Variants in RCAN2 observed in about 807,000 individuals in gnomAD.
RCAN2 encodes regulator of calcineurin 2.
In RCAN2, 9 loss-of-function variants were observed where a neutral mutation model predicts 23.6. The observed-to-expected ratio is 0.38, with a 90% CI of 0.23 to 0.67. The LOEUF (loss-of-function observed/expected upper bound fraction) is 0.67. RCAN2 is among the 30% of genes least tolerant of loss of function. The probability of loss-of-function intolerance (pLI) is 0.51; values close to 1 mark genes in which losing one functional copy is unlikely to be tolerated. For synonymous variants in RCAN2, 109 were observed against 115.7 expected (o/e 0.94, Z 0.37); for missense variants, 273 against 302.3 (o/e 0.90, Z 0.72).
At chr6:46,385,733 T>G (rs1014697255) in intron 2 of RCAN2, among the ~76,000 whole-genome samples, 1 of 151,796 alleles carries the variant, frequency 6.6e-6, no homozygotes, top group Non-Finnish European at 1.5e-5. Context: ...GGCGCATGCC[T>G]ATAATCCCAG....
At chr6:46,332,513 T>G (rs1314232521) in intron 2 of RCAN2, among the ~76,000 whole-genome samples, 2 of 136,160 alleles carry the variant, frequency 1.5e-5, no homozygotes, top group East Asian at 2.2e-4. Context: ...CCTGTGTCCA[T>G]GTGTTCTCAT....
intron 2 of RCAN2, among the ~76,000 whole-genome samples, chr6:46,372,143 T>G (rs900813819): frequency 1.3e-5 from 2 of 152,190 alleles, no homozygotes; most frequent in Admixed American, 6.5e-5. Flanking sequence ...CCAGATGGCA[T>G]GCTCATGGTG....
chr6:46,296,849 ATCTCT>A (rs1326484743), intron 2 of RCAN2, among the ~76,000 whole-genome samples: 14 of 152,048 alleles, frequency 9.2e-5, no homozygotes, highest in Non-Finnish European at 1.2e-4. Flanking sequence ...AAATCTGTAA[ATCTCT>A]TCTGCTACCA....
chr6:46,383,068 C>T (rs1765651816), intron 2 of RCAN2, among the ~76,000 whole-genome samples: 1 of 151,950 alleles, frequency 6.6e-6, no homozygotes, highest in African/African-American at 2.4e-5. Context: ...GAATTTCTAT[C>T]AGGAACTTGA....
At chr6:46,334,963 CG>C (rs1055773479) in intron 2 of RCAN2, among the ~76,000 whole-genome samples, 201 of 120,956 alleles carry the variant, frequency 1.7e-3, no homozygotes, top group Non-Finnish European at 2.8e-3. Flanking sequence ...CTGACACACT[CG>C]AAAAAATTAC....
At chr6:46,463,188 GAAAGT>G (rs1768274956) in intron 1 of RCAN2, among the ~76,000 whole-genome samples, 1 of 152,272 alleles carries the variant, frequency 6.6e-6, no homozygotes, top group African/African-American at 2.4e-5. Flanking sequence ...TCTTTCAAAG[GAAAGT>G]ATTCAGTCAA....
intron 1 of RCAN2, among the ~76,000 whole-genome samples, chr6:46,464,802 C>A (rs1768325136): frequency 6.6e-6 from 1 of 152,070 alleles, no homozygotes; most frequent in African/African-American, 2.4e-5. Context: ...ATTTATGGCT[C>A]TCTTCAGGAC....
At position 46,425,342 on chromosome 6, in the gene RCAN2, T is replaced by C. The variant is rs555297275; in HGVS notation, c.225+31410A>G. 5.5e-4 allele frequency among the ~76,000 whole-genome samples: 84 copies of C among 152,318 alleles called. No individual in the cohort carries two copies. In the South Asian group the frequency reaches 0.017, roughly 30 times the overall value. The stretch of plus-strand genomic sequence containing the variant: ...TGACATCACCACACATCATGCAGCC[T>C]CTAGAAAACTCCACTGTGCACCTAT... On this transcript the variant is annotated intron_variant, in intron 2 of 4. Transcript: ENST00000371374.
At chr6:46,353,036 G>C (rs527998151) in intron 2 of RCAN2, among the ~76,000 whole-genome samples, 6 of 152,300 alleles carry the variant, frequency 3.9e-5, no homozygotes, top group Admixed American at 3.3e-4. Context: ...GCTTTTATTG[G>C]GTTAGTTAGC....
chr6:46,281,361 C>T (rs1767905477), intron 2 of RCAN2, among the ~76,000 whole-genome samples: 1 of 152,194 alleles, frequency 6.6e-6, no homozygotes, highest in South Asian at 2.1e-4. Context: ...TCATCAGAAC[C>T]ACAGATTCCT....
intron 2 of RCAN2, among the ~76,000 whole-genome samples, chr6:46,449,721 G>C (rs1767818979): frequency 6.6e-6 from 1 of 151,688 alleles, no homozygotes; most frequent in African/African-American, 2.4e-5. Flanking sequence ...ACACAACGAA[G>C]AAAAAACAGT....
chr6:46,479,609 A>C (rs1021442723), intron 1 of RCAN2, among the ~76,000 whole-genome samples: 1 of 119,222 alleles, frequency 8.4e-6, no homozygotes, highest in Non-Finnish European at 1.6e-5. Context: ...TTTTTTTGAG[A>C]TAGAGTCTCA....
chr6:46,223,074 TGACAAACAA>T lies in RCAN2; in HGVS notation c.*58_*66del. The T allele has an allele frequency of 6.4e-7, 1 of 1,554,956 alleles. No individual in the cohort carries two copies. Among genetic ancestry groups the T allele is most frequent in the Admixed American group, 1.9e-5 (1 of 52,170 alleles). On this transcript the variant is annotated 3_prime_UTR_variant, in exon 5 of 5. Transcript: ENST00000371374. Reference sequence around the variant, plus strand: ...CCAGGAATTTAAAGGCAATTTTTTTTGACAAACAACAGGGGGAAAAAGCATGATAAAGAG... The same window carrying T: ...CCAGGAATTTAAAGGCAATTTTTTTTCAGGGGGAAAAAGCATGATAAAGAG...
intron 2 of RCAN2, among the ~76,000 whole-genome samples, chr6:46,388,234 C>T (rs1765823339): frequency 6.6e-6 from 1 of 151,566 alleles, no homozygotes; most frequent in Non-Finnish European, 1.5e-5. Context: ...CACATGTACC[C>T]TAGAACTTGA....
rs775144806 is a variant in RCAN2 at position 46,223,177 on chromosome 6, A to G, written c.696T>C (p.Thr232=). ...CGGAGGGTGGCAGGCCAGGACGCCG[A>G]GTTTGGATGATTTTTGGCTTTGGGG... ...KTSPKPKIIQ[T]RRPGLPPSVS... Residue 232 remains threonine, a synonymous_variant, in exon 5 of 5, where the codon ACT becomes ACC. Coordinates refer to ENST00000371374, the MANE Select transcript of RCAN2 (RefSeq NM_001251974.2). 1 of 1,613,656 alleles carries G rather than the reference A, an allele frequency of 6.2e-7. No individual in the cohort carries two copies. The highest frequency in any genetic ancestry group is 8.5e-7 in the Non-Finnish European group (1 of 1,179,934).
chr6:46,409,013 A>G (rs901272018), intron 2 of RCAN2, among the ~76,000 whole-genome samples: 2 of 152,168 alleles, frequency 1.3e-5, no homozygotes, highest in Admixed American at 1.3e-4. Context: ...CCAAATGAAG[A>G]TCATTTGCCA....
At chr6:46,478,167 T>C (rs1420485519) in intron 1 of RCAN2, among the ~76,000 whole-genome samples, 5 of 152,172 alleles carry the variant, frequency 3.3e-5, no homozygotes, top group Non-Finnish European at 7.4e-5. Flanking sequence ...AATACTTTAA[T>C]GATGTAAACT....
intron 4 of RCAN2, among the ~76,000 whole-genome samples, chr6:46,234,928 G>A (rs992817306): frequency 6.6e-6 from 1 of 152,112 alleles, no homozygotes; most frequent in Non-Finnish European, 1.5e-5. Flanking sequence ...GGAGGGAGGA[G>A]GGTGAGTCCC....
At chr6:46,468,866 G>C in intron 1 of RCAN2, 1 of 985,108 alleles carries the variant, frequency 1.0e-6, no homozygotes, top group East Asian at 1.1e-4. Flanking sequence ...GTCTCCAGCT[G>C]TGTTAAATCC....
Sources: allele counts gnomAD v4.1 joint callset (sites outside exome capture counted in the v4.1 genomes callset), GRCh38; gene constraint gnomAD v4.1.1; transcripts MANE v1.5; gene names NCBI Gene and HGNC (gene_info 2026-07-23, HGNC 2026-07-21).